The following OR2L13 variants were observed in gnomAD, a reference collection of about 807,000 sequenced individuals.
The protein encoded by OR2L13 is olfactory receptor family 2 subfamily L member 13.
OR2L13 carries 14 observed loss-of-function variants against 15.3 expected under a neutral mutation model. The observed-to-expected ratio is 0.91, with a 90% CI of 0.60 to 1.43. The LOEUF is 1.43. OR2L13 is among the 40% of genes most tolerant of loss of function. The probability of loss-of-function intolerance (pLI) is 0.00; values close to 1 mark genes in which losing one functional copy is unlikely to be tolerated. For synonymous variants in OR2L13, 152 were observed against 142.9 expected (o/e 1.06, Z -0.45); for missense variants, 367 against 387.9 (o/e 0.95, Z 0.45).
the OR2L13 span, among the ~76,000 whole-genome samples, chr1:247,980,646 A>G: frequency 1.3e-5 from 2 of 152,328 alleles, no homozygotes; most frequent in Middle Eastern, 3.4e-3. Flanking sequence ...CTATGTTATT[A>G]GTGATTCAGC....
the OR2L13 span, among the ~76,000 whole-genome samples, chr1:248,069,486 G>C: frequency 6.6e-6 from 1 of 152,124 alleles, no homozygotes; most frequent in African/African-American, 2.4e-5. Context: ...ACTAAACATG[G>C]AAAGGAACAA....
exon 3 of OR2L13, chr1:248,099,794 G>A (rs1664815204): frequency 6.2e-7 from 1 of 1,613,994 alleles, no homozygotes; most frequent in African/African-American, 1.3e-5. Flanking sequence ...AAAATGATGT[G>A]TGTGAAGATG....
the OR2L13 span, among the ~76,000 whole-genome samples, chr1:247,995,045 T>C: frequency 1.3e-5 from 2 of 152,192 alleles, no homozygotes; most frequent in Non-Finnish European, 2.9e-5. Flanking sequence ...GTTCTCTTCA[T>C]GTTAAATTGA....
the OR2L13 span, among the ~76,000 whole-genome samples, chr1:247,951,922 A>G: frequency 6.6e-6 from 1 of 152,058 alleles, no homozygotes; most frequent in South Asian, 2.1e-4. Flanking sequence ...CATACCCCAG[A>G]CACTGCTTGG....
the OR2L13 span, chr1:248,022,534 A>G: frequency 3.1e-6 from 5 of 1,614,056 alleles, no homozygotes; most frequent in African/African-American, 4.0e-5. Context: ...GTCTATGAGT[A>G]CACAGTGTTT....
the OR2L13 span, among the ~76,000 whole-genome samples, chr1:247,993,509 T>C: frequency 2.0e-5 from 3 of 152,216 alleles, no homozygotes; most frequent in African/African-American, 7.2e-5. Context: ...AGTTCAGATA[T>C]ATAAAGAATG....
the OR2L13 span, among the ~76,000 whole-genome samples, chr1:247,995,568 G>A: frequency 1.3e-5 from 2 of 152,140 alleles, no homozygotes; most frequent in African/African-American, 4.8e-5. Flanking sequence ...AGCATAATTA[G>A]TGGAATAACA....
At chr1:247,958,576 T>TA in the OR2L13 span, among the ~76,000 whole-genome samples, 1 of 152,208 alleles carries the variant, frequency 6.6e-6, no homozygotes, top group Non-Finnish European at 1.5e-5. Context: ...TGTGGGAGTC[T>TA]AAGTCTCTTT....
At chr1:248,101,072 A>C (rs1299308132) in exon 3 of OR2L13, 2 of 152,186 alleles carry the variant, frequency 1.3e-5, no homozygotes, top group African/African-American at 4.8e-5. Context: ...TTTCATAAAG[A>C]TACTGAGATA....
At chr1:247,941,558 A>G in the OR2L13 span, among the ~76,000 whole-genome samples, 5,314 of 152,236 alleles carry the variant, frequency 0.035, 124 homozygotes, top group African/African-American at 0.052. Flanking sequence ...AAATAGATGG[A>G]TTTTGGTCTT....
chr1:248,025,712 A>G, the OR2L13 span, among the ~76,000 whole-genome samples: 3 of 150,326 alleles, frequency 2.0e-5, no homozygotes, highest in African/African-American at 7.5e-5. Flanking sequence ...ATGTCCAACA[A>G]TGATAGACTG....
chr1:248,077,193 C>G, the OR2L13 span, among the ~76,000 whole-genome samples: 1 of 152,110 alleles, frequency 6.6e-6, no homozygotes, highest in African/African-American at 2.4e-5. Flanking sequence ...GGATGAAGCC[C>G]ACTTGATCAT....
At chr1:248,077,660 CA>C in the OR2L13 span, among the ~76,000 whole-genome samples, 2 of 152,006 alleles carry the variant, frequency 1.3e-5, no homozygotes, top group Non-Finnish European at 2.9e-5. Flanking sequence ...GGCATGACAG[CA>C]AAGACATGAC....
the OR2L13 span, among the ~76,000 whole-genome samples, chr1:247,986,832 G>A: frequency 3.5e-4 from 53 of 152,098 alleles, no homozygotes; most frequent in African/African-American, 1.1e-3. Context: ...CTTCACGTCC[G>A]TTGTAAGTTG....
the OR2L13 span, among the ~76,000 whole-genome samples, chr1:247,941,020 C>T: frequency 2.0e-5 from 3 of 151,910 alleles, no homozygotes; most frequent in East Asian, 3.9e-4. Flanking sequence ...AGTATTTTTT[C>T]GTATGCTTGT....
upstream of OR2L13, chr1:248,095,088 C>G (rs897691723): frequency 2.0e-5 from 3 of 152,110 alleles, no homozygotes; most frequent in Admixed American, 6.6e-5. Context: ...TTTTGGCCCC[C>G]GTGGACTTGG....
the OR2L13 span, among the ~76,000 whole-genome samples, chr1:248,073,196 A>C: frequency 6.6e-6 from 1 of 152,220 alleles, no homozygotes; most frequent in Admixed American, 6.5e-5. Context: ...TTGTGTCACT[A>C]TTCACAATAG....
At chr1:248,055,779 A>C in the OR2L13 span, 1 of 152,222 alleles carries the variant, frequency 6.6e-6, no homozygotes, top group Non-Finnish European at 1.5e-5. Flanking sequence ...CTCCGTCTCA[A>C]GGAAAAAAAT....
At chr1:247,956,506 T>G in the OR2L13 span, among the ~76,000 whole-genome samples, 2 of 150,926 alleles carry the variant, frequency 1.3e-5, no homozygotes, top group Non-Finnish European at 3.0e-5. Context: ...TTGATGGGGA[T>G]GGCATTGAAT....
Sources: gnomAD v4.1 joint callset for allele counts (sites outside exome capture counted in the v4.1 genomes callset) on GRCh38, gnomAD v4.1.1 for gene constraint, MANE v1.5 for transcripts, NCBI Gene and HGNC (gene_info 2026-07-23, HGNC 2026-07-21) for gene names.